The following NALF1 variants were observed in gnomAD, a reference collection of about 807,000 sequenced individuals.
The protein encoded by NALF1 is family with sequence similarity 155 member A.
Under a neutral mutation model 48.4 loss-of-function variants are expected in NALF1, and 3 were observed. That is an observed-to-expected ratio of 0.06 (90% CI 0.03 to 0.16). The LOEUF is 0.16. NALF1 is among the 10% of genes least tolerant of loss of function. The probability of loss-of-function intolerance (pLI) is 1.00; values close to 1 mark genes in which losing one functional copy is unlikely to be tolerated. For synonymous variants in NALF1, 262 were observed against 245.7 expected, an observed-to-expected ratio of 1.07 and a Z score of -0.62; for missense variants, 526 against 571.5, an observed-to-expected ratio of 0.92 and a Z score of 0.81.
chr13:107,611,578 G>T (rs1879224973), intron 1 of NALF1, among the ~76,000 whole-genome samples: 1 of 152,100 alleles, frequency 6.6e-6, no homozygotes, highest in Non-Finnish European at 1.5e-5. Flanking sequence ...AAATAGGCCA[G>T]TCACTAAGGA....
At chr13:107,299,453 T>C (rs376282043) in intron 1 of NALF1, among the ~76,000 whole-genome samples, 3 of 43,118 alleles carry the variant, frequency 7.0e-5, no homozygotes, top group South Asian at 1.1e-3. Context: ...ATAATAATAA[T>C]AATAATAATA....
intron 1 of NALF1, among the ~76,000 whole-genome samples, chr13:107,865,261 C>T (rs1203149480): frequency 6.6e-6 from 1 of 152,192 alleles, no homozygotes; most frequent in Non-Finnish European, 1.5e-5. Context: ...GTGTGCAGAT[C>T]TATATTGCAA....
chr13:107,471,550 A>G (rs953671385), intron 1 of NALF1, among the ~76,000 whole-genome samples: 3 of 152,160 alleles, frequency 2.0e-5, no homozygotes, highest in African/African-American at 7.2e-5. Context: ...ATATTATGTA[A>G]GTTTCCAGTA....
chr13:107,593,867 T>A (rs1359185354), intron 1 of NALF1, among the ~76,000 whole-genome samples: 1 of 151,714 alleles, frequency 6.6e-6, no homozygotes, highest in African/African-American at 2.4e-5. Context: ...AGAGATTGTC[T>A]TGGATCAGGT....
chr13:107,240,353 G>A (rs922533089), intron 1 of NALF1, among the ~76,000 whole-genome samples: 2 of 152,144 alleles, frequency 1.3e-5, no homozygotes, highest in African/African-American at 4.8e-5. Flanking sequence ...AAGCAACCCA[G>A]TTTCTGGTAG....
chr13:107,317,833 C>T (rs924594458), intron 1 of NALF1, among the ~76,000 whole-genome samples: 2 of 151,746 alleles, frequency 1.3e-5, no homozygotes, highest in Admixed American at 1.3e-4. Context: ...AGCATTAAAA[C>T]ATAAGATATA....
chr13:107,459,778 T>C (rs1821535888), intron 1 of NALF1, among the ~76,000 whole-genome samples: 1 of 152,166 alleles, frequency 6.6e-6, no homozygotes, highest in African/African-American at 2.4e-5. Flanking sequence ...TCTCTCTGTG[T>C]CTCCCAGGCT....
At chr13:107,630,226 T>C (rs1879797989) in intron 1 of NALF1, among the ~76,000 whole-genome samples, 1 of 152,178 alleles carries the variant, frequency 6.6e-6, no homozygotes, top group Admixed American at 6.5e-5. Context: ...ACACAAGAGT[T>C]ACTTGAAACT....
chr13:107,801,735 A>T (rs1878619054), intron 1 of NALF1, among the ~76,000 whole-genome samples: 1 of 152,320 alleles, frequency 6.6e-6, no homozygotes, highest in Non-Finnish European at 1.5e-5. Flanking sequence ...GATAGAGAGC[A>T]ATTTCAAAAA....
intron 1 of NALF1, among the ~76,000 whole-genome samples, chr13:107,815,163 A>G (rs1200575046): frequency 6.6e-6 from 1 of 152,224 alleles, no homozygotes; most frequent in African/African-American, 2.4e-5. Flanking sequence ...ATTTGATTTC[A>G]TCAAAATTAA....
chr13:107,255,422 G>A (rs1284323494), intron 1 of NALF1, among the ~76,000 whole-genome samples: 1 of 152,032 alleles, frequency 6.6e-6, no homozygotes, highest in African/African-American at 2.4e-5. Context: ...GACTGCTGAG[G>A]ATGCTGCATA....
intron 1 of NALF1, among the ~76,000 whole-genome samples, chr13:107,474,679 T>C (rs775065089): frequency 6.6e-6 from 1 of 152,178 alleles, no homozygotes; most frequent in Non-Finnish European, 1.5e-5. Flanking sequence ...TTTTTCATAG[T>C]ACACAGTCAA....
At chr13:107,174,833 C>A (rs1878884526) in intron 2 of NALF1, among the ~76,000 whole-genome samples, 1 of 151,558 alleles carries the variant, frequency 6.6e-6, no homozygotes, top group Non-Finnish European at 1.5e-5. Flanking sequence ...CAGAGTGGTC[C>A]CCCGCCCTGA....
chr13:107,209,641 C>T (rs981441487), intron 2 of NALF1, among the ~76,000 whole-genome samples: 2 of 152,172 alleles, frequency 1.3e-5, no homozygotes, highest in African/African-American at 4.8e-5. Flanking sequence ...GATAAATTCT[C>T]ATGTTGAGCA....
chr13:107,325,849 C>CATATAT (rs748454208), intron 1 of NALF1, among the ~76,000 whole-genome samples: 3 of 52,604 alleles, frequency 5.7e-5, no homozygotes, highest in Non-Finnish European at 1.0e-4. Flanking sequence ...TCAACACACA[C>CATATAT]ACACACATAT....
chr13:107,592,183 C>A (rs1479105533), intron 1 of NALF1, among the ~76,000 whole-genome samples: 1 of 151,870 alleles, frequency 6.6e-6, no homozygotes, highest in Non-Finnish European at 1.5e-5. Context: ...TAGACTCTCT[C>A]AAATAAATAA....
chr13:107,610,165 G>A (rs767781986), intron 1 of NALF1, among the ~76,000 whole-genome samples: 1 of 152,174 alleles, frequency 6.6e-6, no homozygotes, highest in Non-Finnish European at 1.5e-5. Flanking sequence ...TAGGGAAGAG[G>A]AAACTGGTAC....
In NALF1 at chr13:107,855,552, C is replaced by T. The variant is rs532421683; in HGVS notation, c.915+10130G>A. 1.4e-3 allele frequency among the ~76,000 whole-genome samples: 220 copies of T among 152,272 alleles called. 2 individuals carry two copies. The highest frequency in any genetic ancestry group is 7.1e-4 in the Non-Finnish European group (48 of 68,018). ...ATCTTTTATGTACCAAAGAATTGTACACTTTATCCACTCCTGCTGTTCTCC... is the reference window on the plus strand; with the variant it reads ...ATCTTTTATGTACCAAAGAATTGTATACTTTATCCACTCCTGCTGTTCTCC... On this transcript the variant is annotated intron_variant, in intron 1 of 2. Transcript: ENST00000375915.
At chr13:107,403,188 C>CTTTTTTT (rs10710356) in intron 1 of NALF1, among the ~76,000 whole-genome samples, 3 of 42,488 alleles carry the variant, frequency 7.1e-5, no homozygotes, top group Admixed American at 8.8e-4. Flanking sequence ...CTTGTTCGGG[C>CTTTTTTT]TTTTTTTTTT....
Sources: gnomAD v4.1 joint callset for allele counts (sites outside exome capture counted in the v4.1 genomes callset) on GRCh38, gnomAD v4.1.1 for gene constraint, MANE v1.5 for transcripts, NCBI Gene and HGNC (gene_info 2026-07-23, HGNC 2026-07-21) for gene names.